Variants in SOHLH2 observed in about 807,000 individuals in gnomAD.
SOHLH2 encodes the protein spermatogenesis- and oogenesis-specific basic helix-loop-helix-containing protein 2.
Under a neutral mutation model 50.4 loss-of-function variants are expected in SOHLH2, and 22 were observed. The ratio of observed to expected loss-of-function variants is 0.44; its 90% CI spans 0.31 to 0.62. The LOEUF (loss-of-function observed/expected upper bound fraction) is 0.62, where lower values mean the gene tolerates loss of function less well. SOHLH2 is among the 20% of genes least tolerant of loss of function. The pLI is 0.08. For synonymous variants in SOHLH2, 185 were observed against 187.3 expected (o/e 0.99, Z 0.10); for missense variants, 412 against 504.4 (o/e 0.82, Z 1.76).
At chr13:36,195,078 A>C (rs1887683280) in intron 2 of SOHLH2, among the ~76,000 whole-genome samples, 1 of 152,144 alleles carries the variant, frequency 6.6e-6, no homozygotes, top group Non-Finnish European at 1.5e-5. Flanking sequence ...GCTCTCACAC[A>C]GCTGGAGGTC....
At chr13:36,214,043 T>TC (rs982306350) in intron 1 of SOHLH2, among the ~76,000 whole-genome samples, 3 of 149,796 alleles carry the variant, frequency 2.0e-5, no homozygotes, top group South Asian at 4.2e-4. Flanking sequence ...GGCTAAGATT[T>TC]TTTTTTTTTT....
intron 7 of SOHLH2, 34 bp downstream of exon 7, chr13:36,174,688 A>C: frequency 6.3e-7 from 1 of 1,592,906 alleles, no homozygotes. Flanking sequence ...GCATGTCTAT[A>C]AGGATAAAAT....
At chr13:36,198,323 T>A (rs1405672289) in intron 2 of SOHLH2, among the ~76,000 whole-genome samples, 1 of 152,210 alleles carries the variant, frequency 6.6e-6, no homozygotes, top group Non-Finnish European at 1.5e-5. Context: ...TCTGTACCTG[T>A]CTTTGGAAGA....
chr13:36,188,539 C>T (rs1887489925), intron 6 of SOHLH2, among the ~76,000 whole-genome samples: 1 of 152,078 alleles, frequency 6.6e-6, no homozygotes, highest in African/African-American at 2.4e-5. Context: ...TTATTTTTGC[C>T]AAGATCAATG....
chr13:36,174,358 G>T, intron 8 of SOHLH2, 118 bp downstream of exon 8: 1 of 1,339,086 alleles, frequency 7.5e-7, no homozygotes, highest in South Asian at 1.4e-5. Flanking sequence ...AAAGTTCGCT[G>T]ACCCTTAATA....
Position 36,202,001 on chromosome 13 carries a change from G to A in SOHLH2, c.141C>T (p.Thr47=). 1 of 1,614,128 alleles carries A rather than the reference G, an allele frequency of 6.2e-7. No homozygotes were observed. Among genetic ancestry groups the A allele is most frequent in the Non-Finnish European group, 8.5e-7 (1 of 1,180,038 alleles). The change falls in exon 2 of 11, where the codon ACC becomes ACT. Residue 47 remains threonine (T), a synonymous_variant. Coordinates refer to ENST00000379881, the MANE Select transcript of SOHLH2 (RefSeq NM_017826.3). ...QKLFANIAEV[T]ITISDTKEAA... ...CCTCCTTCGTGTCACTGATGGTGAT[G>A]GTGACTTCTGCTATGTTTGCAAATA...
intron 6 of SOHLH2, among the ~76,000 whole-genome samples, chr13:36,177,703 G>A (rs1015910706): frequency 2.0e-5 from 3 of 152,060 alleles, no homozygotes; most frequent in African/African-American, 7.2e-5. Context: ...TTGGGCACTT[G>A]TATAGCTTCC....
At chr13:36,191,773 T>A in intron 5 of SOHLH2, 22 bp downstream of exon 5, 1 of 1,612,424 alleles carries the variant, frequency 6.2e-7, no homozygotes, top group Non-Finnish European at 8.5e-7. Context: ...ATTGCTATTA[T>A]GAAAAAGAAC....
chr13:36,211,651 T>A (rs1199212357), intron 1 of SOHLH2, among the ~76,000 whole-genome samples: 1 of 152,224 alleles, frequency 6.6e-6, no homozygotes, highest in Non-Finnish European at 1.5e-5. Context: ...TGTCACTTAG[T>A]TCAACTATTT....
At position 36,184,521 on chromosome 13, in the gene SOHLH2, G is replaced by A. The variant is rs537537842; in HGVS notation, c.641+5425C>T. ...CTTGCCCAGGCTGGAGTACAGTGGC[G>A]CTATCTCGGCTCACTGCAAGCTCCG... On this transcript the variant is annotated intron_variant, in intron 6 of 10. Transcript: ENST00000379881. Among the ~76,000 whole-genome samples, 8 of 139,162 alleles carry A rather than the reference G, an allele frequency of 5.7e-5. No homozygotes were observed. In the East Asian group the frequency reaches 8.4e-4, roughly 15 times the overall value. 91.3% of individuals were successfully genotyped at this position (139,162 alleles called of 152,430 possible). A position where few individuals can be genotyped will look rare whatever the true frequency, so the allele number is the denominator to read the frequency against.
At chr13:36,170,907 T>A in intron 9 of SOHLH2, 120 bp from the exon 10 acceptor site, 3 of 1,441,350 alleles carry the variant, frequency 2.1e-6, no homozygotes, top group Non-Finnish European at 2.8e-6. Flanking sequence ...CTGTACTACC[T>A]GCTACACCCG....
Position 36,174,841 on chromosome 13 carries a change from G to T in SOHLH2, c.670C>A (p.Leu224Met), listed in dbSNP as rs140941906. Residue 224 changes from leucine to methionine, a missense_variant, in exon 7 of 11, where the codon CTG becomes ATG. Coordinates refer to ENST00000379881, the MANE Select transcript of SOHLH2 (RefSeq NM_017826.3). Reference sequence around the variant, plus strand: ...TTTACATACGGCAAGAGAGTACGCAGCTGCTCACAGCAATATTTGATTCTT... The same window carrying T: ...TTTACATACGGCAAGAGAGTACGCATCTGCTCACAGCAATATTTGATTCTT... ...RERIKYCCEQ[L>M]RTLLPYVKGR... The T allele has an allele frequency of 1.3e-6, 2 of 1,587,564 alleles. No homozygotes were observed. Among genetic ancestry groups the T allele is most frequent in the African/African-American group, 2.7e-5 (2 of 73,202 alleles).
At chr13:36,185,915 C>T (rs1887403887) in intron 6 of SOHLH2, among the ~76,000 whole-genome samples, 2 of 152,136 alleles carry the variant, frequency 1.3e-5, no homozygotes, top group East Asian at 1.9e-4. Flanking sequence ...TAGATGACTT[C>T]ACCGTTGAAT....
chr13:36,168,697 A>C lies in SOHLH2; in HGVS notation c.*337T>G. On this transcript the variant is annotated 3_prime_UTR_variant, in exon 11 of 11. Coordinates refer to ENST00000379881, the MANE Select transcript of SOHLH2 (RefSeq NM_017826.3). ...AATCTAATCATTTTATCGTGTCTAC[A>C]TGGATCTTCCTTATAGCATGCTTTT... The C allele has an allele frequency of 6.0e-6, 2 of 333,684 alleles. No homozygotes were observed. Among genetic ancestry groups the C allele is most frequent in the East Asian group, 9.9e-5 (2 of 20,262 alleles). 20.7% of individuals were successfully genotyped at this position (333,684 alleles called of 1,614,324 possible).
intron 5 of SOHLH2, 67 bp from the exon 6 acceptor site, chr13:36,190,123 G>C: frequency 7.0e-7 from 1 of 1,436,596 alleles, no homozygotes; most frequent in Admixed American, 2.0e-5. Flanking sequence ...TAAATAATAC[G>C]CACCAATACA....
At position 36,168,994 on chromosome 13, in the gene SOHLH2, C is replaced by T. The variant is rs756203552; in HGVS notation, c.*40G>A. On this transcript the variant is annotated 3_prime_UTR_variant, in exon 11 of 11. Coordinates refer to ENST00000379881, the MANE Select transcript of SOHLH2 (RefSeq NM_017826.3). ...CTTTTCCTAGATTGTCAAACTGCGC[C>T]CAGTAGGTGGTTGAGAGTGTGAATT... is the stretch of plus-strand genomic sequence containing the variant. The T allele has an allele frequency of 1.3e-6, 2 of 1,594,798 alleles. No individual in the cohort carries two copies. Among genetic ancestry groups the T allele is most frequent in the Admixed American group, 3.6e-5 (2 of 55,180 alleles).
At chr13:36,175,234 C>T (rs974924016) in intron 6 of SOHLH2, among the ~76,000 whole-genome samples, 2 of 152,196 alleles carry the variant, frequency 1.3e-5, no homozygotes, top group Admixed American at 1.3e-4. Flanking sequence ...ACCACTCTGC[C>T]CTCCGAGCAG....
rs144665592 is a variant in SOHLH2 at position 36,189,999 on chromosome 13, G to A, written c.588C>T (p.Phe196=). ...GLELNASLSE[F]EKNKKISLLH... ...GAAGAGAGATCTTTTTGTTTTTCTC[G>A]AACTCTGACAACGAAGCATTTAATT... Residue 196 remains phenylalanine (F), a synonymous_variant, in exon 6 of 11, where the codon TTC becomes TTT. Coordinates refer to ENST00000379881, the MANE Select transcript of SOHLH2 (RefSeq NM_017826.3). 1.2e-3 allele frequency: 1,896 copies of A among 1,604,830 alleles called. 4 individuals carry two copies. The highest frequency in any genetic ancestry group is 1.5e-3 in the Non-Finnish European group (1,751 of 1,174,774).
intron 1 of SOHLH2, among the ~76,000 whole-genome samples, chr13:36,208,133 G>C (rs907118591): frequency 6.6e-6 from 1 of 152,170 alleles, no homozygotes; most frequent in Non-Finnish European, 1.5e-5. Flanking sequence ...AAATATGTTA[G>C]TGGAGATGGT....
Sources: gnomAD v4.1 joint callset for allele counts (sites outside exome capture counted in the v4.1 genomes callset) on GRCh38, gnomAD v4.1.1 for gene constraint, MANE v1.5 for transcripts, NCBI Gene and HGNC (gene_info 2026-07-23, HGNC 2026-07-21) for gene names.